EXT1: variants seen among roughly 807,000 people sequenced by gnomAD.
The protein encoded by EXT1 is exostosin-1.
Under a neutral mutation model 82.5 loss-of-function variants are expected in EXT1, and 20 were observed. The ratio of observed to expected loss-of-function variants is 0.24; its 90% CI spans 0.17 to 0.35. The LOEUF is 0.35. Ranked by LOEUF, EXT1 falls within the 10% of genes least tolerant of loss-of-function variation. The probability of loss-of-function intolerance (pLI) is 1.00; values close to 1 mark genes in which losing one functional copy is unlikely to be tolerated. For synonymous variants in EXT1, 348 were observed against 350.8 expected, an observed-to-expected ratio of 0.99 and a Z score of 0.09; for missense variants, 757 against 936.5, an observed-to-expected ratio of 0.81 and a Z score of 2.50.
intron 3 of EXT1, chr8:117,831,746 G>T (rs1005479058): frequency 2.4e-5 from 11 of 460,090 alleles, no homozygotes; most frequent in African/African-American, 1.6e-4. Context: ...TCCATTGGAG[G>T]GGAAGGAAGT....
chr8:117,905,671 G>A (rs188407154), intron 1 of EXT1, among the ~76,000 whole-genome samples: 4 of 152,242 alleles, frequency 2.6e-5, no homozygotes, highest in Non-Finnish European at 5.9e-5. Flanking sequence ...AATTAGCCGG[G>A]CGTGGTGGCG....
chr8:118,110,002 C>A, intron 1 of EXT1, 83 bp downstream of exon 1: 29 of 1,605,450 alleles, frequency 1.8e-5, no homozygotes, highest in Non-Finnish European at 2.4e-5. Flanking sequence ...TCCGCCCTCA[C>A]CCCATCCCCC....
At chr8:117,965,894 T>A (rs572378596) in intron 1 of EXT1, among the ~76,000 whole-genome samples, 1 of 152,274 alleles carries the variant, frequency 6.6e-6, no homozygotes, top group African/African-American at 2.4e-5. Flanking sequence ...CAAAGGGTAA[T>A]GTCCAAATTT....
chr8:117,918,939 A>G (rs1298235931), intron 1 of EXT1, among the ~76,000 whole-genome samples: 2 of 149,688 alleles, frequency 1.3e-5, no homozygotes, highest in African/African-American at 4.9e-5. Context: ...AGTTCCCCTA[A>G]GTGAACCCTC....
chr8:118,057,827 G>T (rs1816819345), intron 1 of EXT1, among the ~76,000 whole-genome samples: 1 of 151,876 alleles, frequency 6.6e-6, no homozygotes. Context: ...TAAAAAATTA[G>T]CCAGGCACGG....
chr8:118,029,431 AAATT>A lies in EXT1; in HGVS notation c.962+80650_962+80653del, dbSNP rs1420071867. On this transcript the variant is annotated intron_variant, in intron 1 of 10. Transcript: ENST00000378204. ...GTGAGACCTCATCTCTTTATTAAAT[AAATT>A]AATAAATAAAAAGTTACAAGTAATC... Among the ~76,000 whole-genome samples the A allele has an allele frequency of 2.0e-5, 3 of 152,200 alleles. No individual in the cohort carries two copies. In the East Asian group the frequency reaches 5.8e-4, roughly 29 times the overall value.
In EXT1 at chr8:117,837,778, A is replaced by G. The variant is rs193095244; in HGVS notation, c.963-577T>C. On this transcript the variant is annotated intron_variant, in intron 1 of 10. Transcript: ENST00000378204. ...ATTCCTGTTTAAGAATGGCTGACATAACTCACAGGAGAAAGAGGAGGTGAG... is the reference window on the plus strand; with the variant it reads ...ATTCCTGTTTAAGAATGGCTGACATGACTCACAGGAGAAAGAGGAGGTGAG... Among the ~76,000 whole-genome samples the G allele has an allele frequency of 2.9e-3, 440 of 152,236 alleles. 2 individuals carry two copies. The highest frequency in any genetic ancestry group is 0.027 in the Middle Eastern group (8 of 294).
intron 1 of EXT1, among the ~76,000 whole-genome samples, chr8:118,027,622 T>C (rs1406780493): frequency 6.6e-6 from 1 of 152,224 alleles, no homozygotes; most frequent in Non-Finnish European, 1.5e-5. Flanking sequence ...GCTGCAACTT[T>C]CTTGCACACC....
At chr8:117,854,974 C>A (rs957732762) in intron 1 of EXT1, among the ~76,000 whole-genome samples, 2 of 152,094 alleles carry the variant, frequency 1.3e-5, no homozygotes, top group African/African-American at 4.8e-5. Context: ...TTTTGGTGCC[C>A]ATTGCAATGA....
intron 1 of EXT1, among the ~76,000 whole-genome samples, chr8:117,976,218 C>A (rs1418299208): frequency 6.6e-6 from 1 of 152,172 alleles, no homozygotes; most frequent in Admixed American, 6.5e-5. Context: ...TATTATCTTG[C>A]ATTAAAAATA....
chr8:117,986,979 G>A (rs1365894894), intron 1 of EXT1, among the ~76,000 whole-genome samples: 1 of 152,124 alleles, frequency 6.6e-6, no homozygotes, highest in Non-Finnish European at 1.5e-5. Flanking sequence ...GCCAGTGTAG[G>A]GCACAAGCAG....
intron 1 of EXT1, among the ~76,000 whole-genome samples, chr8:118,023,352 T>C (rs1008907430): frequency 1.3e-5 from 2 of 152,222 alleles, no homozygotes; most frequent in African/African-American, 2.4e-5. Flanking sequence ...TTCCTGACTA[T>C]TGGCAATTAG....
At chr8:117,897,303 T>C (rs919781126) in intron 1 of EXT1, among the ~76,000 whole-genome samples, 11 of 152,152 alleles carry the variant, frequency 7.2e-5, no homozygotes, top group Non-Finnish European at 1.3e-4. Flanking sequence ...CTGGTAGTCA[T>C]GCATCAGATG....
rs773267360 is a variant in EXT1, at chr8:117,798,766, T to G, written c.*946A>C. The G allele has an allele frequency of 2.0e-5, 3 of 152,180 alleles. No individual in the cohort carries two copies. The highest frequency in any genetic ancestry group is 4.4e-5 in the Non-Finnish European group (3 of 68,042). 9.4% of individuals were successfully genotyped at this position (152,180 alleles called of 1,614,324 possible). The stretch of plus-strand genomic sequence containing the variant: ...CTCACAAACATTAAAGAGTTCATCT[T>G]GTAAATAATCTGTTCTCCCCAATAT... On this transcript the variant is annotated 3_prime_UTR_variant, in exon 11 of 11. Coordinates refer to ENST00000378204, the MANE Select transcript of EXT1 (RefSeq NM_000127.3).
At chr8:117,997,661 A>C (rs1447600250) in intron 1 of EXT1, among the ~76,000 whole-genome samples, 2 of 152,204 alleles carry the variant, frequency 1.3e-5, no homozygotes, top group Non-Finnish European at 2.9e-5. Flanking sequence ...TGGCTAAACC[A>C]AAAAATACAA....
intron 1 of EXT1, among the ~76,000 whole-genome samples, chr8:117,987,501 A>G (rs1364517222): frequency 1.3e-5 from 2 of 152,258 alleles, no homozygotes; most frequent in African/African-American, 4.8e-5. Flanking sequence ...AGCCTAGCAC[A>G]GCAGGTAAAA....
chr8:118,089,676 A>G (rs1247505456), intron 1 of EXT1, among the ~76,000 whole-genome samples: 2 of 152,260 alleles, frequency 1.3e-5, no homozygotes, highest in East Asian at 3.8e-4. Context: ...CATTCGCCAG[A>G]TTATTAAAAA....
chr8:117,937,696 T>C (rs1251143255), intron 1 of EXT1, among the ~76,000 whole-genome samples: 1 of 152,222 alleles, frequency 6.6e-6, no homozygotes, highest in Non-Finnish European at 1.5e-5. Context: ...TTCCCATTTG[T>C]TGGAAAACTG....
In EXT1 at chr8:118,110,531, G is replaced by A; in HGVS notation, c.516C>T (p.His172=). The A allele has an allele frequency of 6.2e-7, 1 of 1,614,126 alleles. No individual in the cohort carries two copies. The highest frequency in any genetic ancestry group is 1.1e-5 in the South Asian group (1 of 91,086). The change falls in exon 1 of 11, where the codon CAC becomes CAT. Residue 172 remains histidine (H), a synonymous_variant. Transcript: ENST00000378204. The stretch of plus-strand genomic sequence containing the variant: ...GACTCTGCACTTTGGATCTCAAATT[G>A]TGCACATACTGAGGTGACAACTGGT... ...DRDQLSPQYV[H]NLRSKVQSLH...
Sources: allele counts gnomAD v4.1 joint callset (sites outside exome capture counted in the v4.1 genomes callset), GRCh38; gene constraint gnomAD v4.1.1; transcripts MANE v1.5; gene names NCBI Gene and HGNC (gene_info 2026-07-23, HGNC 2026-07-21).